NPR3: variants seen among roughly 807,000 people sequenced by gnomAD.
The protein encoded by NPR3 is atrial natriuretic peptide receptor 3.
Under a neutral mutation model 54.5 loss-of-function variants are expected in NPR3, and 34 were observed. That is an observed-to-expected ratio of 0.62 (90% confidence interval 0.47 to 0.83). The LOEUF (loss-of-function observed/expected upper bound fraction) is 0.83, where lower values mean the gene tolerates loss of function less well. NPR3 is among the 40% of genes least tolerant of loss of function. NPR3 has a pLI of 0.00. For synonymous variants in NPR3, 289 were observed against 297.1 expected (o/e 0.97, Z 0.28); for missense variants, 674 against 720.8 (o/e 0.94, Z 0.74).
At position 32,789,945 on chromosome 5, in the gene NPR3, A is replaced by G. The variant is rs116229926; in HGVS notation, c.*3600A>G. On this transcript the variant is annotated 3_prime_UTR_variant, in exon 8 of 8. Coordinates refer to ENST00000265074, the MANE Select transcript of NPR3 (RefSeq NM_001204375.2). ...AAGTACCTGTGTTTCTTGGGACACA[A>G]AGCACTCAGATCCTGAGTGGATGCA... 1 of 348,906 alleles carries G rather than the reference A, an allele frequency of 2.9e-6. No individual in the cohort carries two copies. Among genetic ancestry groups the G allele is most frequent in the African/African-American group, 2.1e-5 (1 of 46,698 alleles). 21.6% of individuals were successfully genotyped at this position (348,906 alleles called of 1,614,324 possible). A position where few individuals can be genotyped will look rare whatever the true frequency, so the allele number is the denominator to read the frequency against.
At chr5:32,761,925 A>T (rs928144379) in intron 3 of NPR3, among the ~76,000 whole-genome samples, 2 of 152,022 alleles carry the variant, frequency 1.3e-5, no homozygotes, top group African/African-American at 4.8e-5. Context: ...TATTTCTCCT[A>T]ATGCTATCCT....
At chr5:32,759,784 C>G (rs902216728) in intron 3 of NPR3, among the ~76,000 whole-genome samples, 8 of 152,100 alleles carry the variant, frequency 5.3e-5, no homozygotes, top group African/African-American at 1.9e-4. Flanking sequence ...TTCAGGAGCT[C>G]TTGTAAGGCA....
intron 4 of NPR3, among the ~76,000 whole-genome samples, chr5:32,778,166 G>A (rs1011692533): frequency 6.6e-6 from 1 of 151,796 alleles, no homozygotes; most frequent in Non-Finnish European, 1.5e-5. Context: ...CTATTCTAGG[G>A]CCAGGTCTAC....
intron 1 of NPR3, among the ~76,000 whole-genome samples, chr5:32,703,228 C>T (rs1737876536): frequency 6.6e-6 from 1 of 152,056 alleles, no homozygotes; most frequent in Non-Finnish European, 1.5e-5. Context: ...GCACTGGGCT[C>T]CCCTCTGGCC....
At chr5:32,698,240 T>C (rs949283145) in intron 1 of NPR3, among the ~76,000 whole-genome samples, 1 of 152,144 alleles carries the variant, frequency 6.6e-6, no homozygotes, top group African/African-American at 2.4e-5. Context: ...AATTTCTTCA[T>C]TAACCCACAG....
chr5:32,745,952 T>A (rs952380278), intron 3 of NPR3, among the ~76,000 whole-genome samples: 19 of 152,170 alleles, frequency 1.2e-4, no homozygotes, highest in African/African-American at 4.3e-4. Flanking sequence ...CTAAAAATAC[T>A]TGAGCAGGTA....
Position 32,769,342 on chromosome 5 carries a change from C to T in NPR3, c.1060-5366C>T, listed in dbSNP as rs572657433. Among the ~76,000 whole-genome samples the T allele has an allele frequency of 9.2e-5, 14 of 152,316 alleles. No individual in the cohort carries two copies. The South Asian group carries it at 1.7e-3, about 18-fold the overall frequency. On this transcript the variant is annotated intron_variant, in intron 3 of 7. Transcript: ENST00000265074. ...CTATGCACACAGCACTCCCAGACTA[C>T]TTCCTTCTGCTATCTACCACCTCCA...
chr5:32,744,283 G>T (rs1285959706), intron 3 of NPR3, among the ~76,000 whole-genome samples: 1 of 152,092 alleles, frequency 6.6e-6, no homozygotes, highest in African/African-American at 2.4e-5. Flanking sequence ...GAGCCATCTC[G>T]CCCAGCCTGC....
At chr5:32,709,220 A>T (rs573616178), upstream of NPR3, among the ~76,000 whole-genome samples, 119 of 152,140 alleles carry the variant, frequency 7.8e-4, 1 homozygote, top group African/African-American at 2.8e-3. Context: ...TTCCGCAGAC[A>T]CAGGGCATAC....
chr5:32,722,730 C>G (rs1240170012), intron 1 of NPR3, among the ~76,000 whole-genome samples: 1 of 152,092 alleles, frequency 6.6e-6, no homozygotes, highest in East Asian at 1.9e-4. Context: ...TATGGGACAC[C>G]CTGGCTCTTT....
At chr5:32,783,107 T>G in intron 6 of NPR3, 79 bp downstream of exon 6, 1 of 1,358,356 alleles carries the variant, frequency 7.4e-7, no homozygotes, top group Non-Finnish European at 1.0e-6. Context: ...CCCAAGTGTT[T>G]CTAGGGCCTT....
chr5:32,708,662 G>T (rs1037199160), upstream of NPR3, among the ~76,000 whole-genome samples: 1 of 152,150 alleles, frequency 6.6e-6, no homozygotes, highest in African/African-American at 2.4e-5. Context: ...CAGGCTGGGT[G>T]ACTTAAGTCT....
intron 1 of NPR3, chr5:32,716,875 T>A (rs1462916703): frequency 6.5e-6 from 1 of 153,562 alleles, no homozygotes; most frequent in African/African-American, 2.4e-5. Flanking sequence ...CTTTAAGTTC[T>A]AGGGTACATG....
At chr5:32,748,472 GTAGTTT>G (rs536953131) in intron 3 of NPR3, among the ~76,000 whole-genome samples, 19 of 152,346 alleles carry the variant, frequency 1.2e-4, no homozygotes, top group African/African-American at 4.1e-4. Context: ...CAAGGAAGAG[GTAGTTT>G]TCCTAAGACT....
intron 1 of NPR3, among the ~76,000 whole-genome samples, chr5:32,692,958 C>G (rs964150376): frequency 1.3e-5 from 2 of 151,890 alleles, no homozygotes; most frequent in Non-Finnish European, 2.9e-5. Flanking sequence ...CCTGTCTCTA[C>G]AAAAAAATAA....
intron 2 of NPR3, among the ~76,000 whole-genome samples, chr5:32,731,247 C>T (rs1175494527): frequency 6.6e-6 from 1 of 152,200 alleles, no homozygotes; most frequent in African/African-American, 2.4e-5. Flanking sequence ...ACAGAATGCT[C>T]TTATACAACT....
intron 1 of NPR3, chr5:32,713,134 C>G (rs1016443800): frequency 1.0e-6 from 1 of 980,802 alleles, no homozygotes; most frequent in African/African-American, 1.7e-5. Flanking sequence ...CCCTTATAAA[C>G]GAGCTTCTGT....
chr5:32,763,056 C>A (rs1478318949), intron 3 of NPR3, among the ~76,000 whole-genome samples: 1 of 152,144 alleles, frequency 6.6e-6, no homozygotes, highest in African/African-American at 2.4e-5. Flanking sequence ...ATATGGCTAG[C>A]CAGTTTTTCC....
chr5:32,749,196 A>T (rs1044387425), intron 3 of NPR3, among the ~76,000 whole-genome samples: 1 of 151,734 alleles, frequency 6.6e-6, no homozygotes, highest in Non-Finnish European at 1.5e-5. Context: ...AATAAGTAGA[A>T]TTTTTTTCTT....
Sources: allele counts gnomAD v4.1 joint callset (sites outside exome capture counted in the v4.1 genomes callset), GRCh38; gene constraint gnomAD v4.1.1; transcripts MANE v1.5; gene names NCBI Gene and HGNC (gene_info 2026-07-23, HGNC 2026-07-21).